ATCAY: variants seen among roughly 807,000 people sequenced by gnomAD.
ATCAY encodes caytaxin.
In ATCAY, 22 loss-of-function variants were observed where a neutral mutation model predicts 47.7. The observed-to-expected ratio is 0.46, with a 90% CI of 0.33 to 0.66. ATCAY has a LOEUF of 0.66. ATCAY is among the 30% of genes least tolerant of loss of function. The pLI is 0.02. For missense variants in ATCAY, 452 were observed against 515.0 expected, an observed-to-expected ratio of 0.88 and a Z score of 1.18; for synonymous variants, 216 against 207.6, an observed-to-expected ratio of 1.04 and a Z score of -0.35.
In ATCAY at chr19:3,911,315, G is replaced by A. The variant is rs548091688; in HGVS notation, c.866+426G>A. On this transcript the variant is annotated intron_variant, in intron 8 of 12. Transcript: ENST00000450849. ...CAGGAGATCAAGGCTGCAATGAGCC[G>A]TGATCGAGCCACTGTACTCCAGCCT... Among the ~76,000 whole-genome samples the A allele has an allele frequency of 2.0e-3, 305 of 152,064 alleles. 3 individuals carry two copies. Among genetic ancestry groups the A allele is most frequent in the African/African-American group, 6.8e-3 (281 of 41,494 alleles).
intron 9 of ATCAY, 35 bp from the exon 10 acceptor site, chr19:3,917,707 G>A: frequency 1.2e-6 from 2 of 1,613,076 alleles, no homozygotes; most frequent in African/African-American, 1.3e-5. Context: ...CAGGGGAAAG[G>A]AAGGTTGTGT....
chr19:3,895,716 CTTTTTTTT>C (rs537910730), intron 2 of ATCAY, among the ~76,000 whole-genome samples: 1 of 129,670 alleles, frequency 7.7e-6, no homozygotes, highest in African/African-American at 2.8e-5. Flanking sequence ...CTTTTCTTTT[CTTTTTTTT>C]TTTTTTTTTT....
intron 2 of ATCAY, among the ~76,000 whole-genome samples, chr19:3,895,355 C>T (rs868829202): frequency 6.6e-5 from 10 of 152,140 alleles, no homozygotes; most frequent in Non-Finnish European, 1.5e-4. Flanking sequence ...GCTGGGGTTA[C>T]AGGCATGCAC....
At chr19:3,913,112 AC>A (rs1203197773) in intron 8 of ATCAY, among the ~76,000 whole-genome samples, 3 of 151,994 alleles carry the variant, frequency 2.0e-5, no homozygotes, top group Non-Finnish European at 4.4e-5. Context: ...ACATGATGAA[AC>A]CCCATCTCCA....
At chr19:3,908,453 A>C in intron 6 of ATCAY, 83 bp downstream of exon 6, 1 of 1,292,226 alleles carries the variant, frequency 7.7e-7, no homozygotes, top group Non-Finnish European at 1.1e-6. Flanking sequence ...CAAGGATTGC[A>C]TTGTGGCCCT....
rs1264079834 is a variant in ATCAY, at chr19:3,891,592, G to C, written c.77+5748G>C. Among the ~76,000 whole-genome samples the C allele has an allele frequency of 2.0e-5, 3 of 151,902 alleles. No individual in the cohort carries two copies. The East Asian group carries it at 5.8e-4, about 29-fold the overall frequency. ...GATTCTTGGCTGTGAAGGGTGAGGA[G>C]GGATGAGCCGGGGAAGGAAGTGGGG... On this transcript the variant is annotated intron_variant, in intron 2 of 12. Coordinates refer to ENST00000450849, the MANE Select transcript of ATCAY (RefSeq NM_033064.5).
Position 3,907,985 on chromosome 19 carries a change from T to C in ATCAY, c.544+66T>C, listed in dbSNP as rs2038880117. ...GGCCCACTGGGCAACAGGGGGTTCG[T>C]CAGTGCCCCTCTCTGATGCACGGGG... On this transcript the variant is annotated intron_variant, in intron 5 of 12. Transcript: ENST00000450849. The surrounding 1 kb of genome is among the most constrained non-coding windows in gnomAD (Gnocchi z 5.1). 7.1e-6 allele frequency: 11 copies of C among 1,539,678 alleles called. No individual in the cohort carries two copies. Among genetic ancestry groups the C allele is most frequent in the Admixed American group, 1.9e-5 (1 of 52,018 alleles).
intron 1 of ATCAY, among the ~76,000 whole-genome samples, chr19:3,885,130 A>AAC (rs2038638320): frequency 6.7e-6 from 1 of 150,188 alleles, no homozygotes; most frequent in Non-Finnish European, 1.5e-5. Context: ...AAAAAAAAAA[A>AAC]AAAAACAGCC....
In ATCAY at chr19:3,925,690, A is replaced by G. The variant is rs1238074764; in HGVS notation, c.*1098A>G. 6.6e-6 allele frequency: 1 copy of G among 152,192 alleles called. No individual in the cohort carries two copies. The highest frequency in any genetic ancestry group is 2.4e-5 in the African/African-American group (1 of 41,444). 9.4% of individuals were successfully genotyped at this position (152,192 alleles called of 1,614,324 possible). A position where few individuals can be genotyped will look rare whatever the true frequency, so the allele number is the denominator to read the frequency against. ...GGTCAGATGGACTCTAGAAGCACTG[A>G]GCTCCCTGTCTCTGGAAGTATTTAA... On this transcript the variant is annotated 3_prime_UTR_variant, in exon 13 of 13. Coordinates refer to ENST00000450849, the MANE Select transcript of ATCAY (RefSeq NM_033064.5). The surrounding 1 kb of genome is among the most constrained non-coding windows in gnomAD (Gnocchi z 4.4).
At chr19:3,894,411 G>A (rs2038746500) in intron 2 of ATCAY, among the ~76,000 whole-genome samples, 1 of 150,572 alleles carries the variant, frequency 6.6e-6, no homozygotes, top group South Asian at 2.1e-4. Flanking sequence ...GTGAACCCGG[G>A]AGGCGGAGCT....
chr19:3,908,069 G>C (rs2038881029), intron 5 of ATCAY, 150 bp downstream of exon 5: 4 of 1,203,316 alleles, frequency 3.3e-6, no homozygotes, highest in Non-Finnish European at 4.7e-6. Flanking sequence ...TGCATGGTCA[G>C]GGAGGCGCAC....
At position 3,926,871 on chromosome 19, in the gene ATCAY, G is replaced by A. The variant is rs2039071541; in HGVS notation, c.*2279G>A. 6.6e-6 allele frequency: 1 copy of A among 152,194 alleles called. No homozygotes were observed. The highest frequency in any genetic ancestry group is 2.4e-5 in the African/African-American group (1 of 41,438). The allele number at this position is 152,194 out of a possible 1,614,324, so 9.4% of individuals were successfully genotyped here. On this transcript the variant is annotated 3_prime_UTR_variant, in exon 13 of 13. Transcript: ENST00000450849. The stretch of plus-strand genomic sequence containing the variant: ...TGTCAAATCCCGGGCACAGGGGCAA[G>A]ACCCTGTCCCGAATTCCCACCCCAG...
Position 3,908,594 on chromosome 19 carries a change from C to T in ATCAY, c.647+224C>T, listed in dbSNP as rs528363464. Among the ~76,000 whole-genome samples, 5 of 150,068 alleles carry T rather than the reference C, an allele frequency of 3.3e-5. No individual in the cohort carries two copies. In the East Asian group the frequency reaches 9.9e-4, roughly 30 times the overall value. ...TCTCCTCCCCGTCCTCCTCCTCCTC[C>T]TCTTCCTCCTCCTTCCCCTCCTCCT... On this transcript the variant is annotated intron_variant, in intron 6 of 12. Coordinates refer to ENST00000450849, the MANE Select transcript of ATCAY (RefSeq NM_033064.5).
intron 1 of ATCAY, among the ~76,000 whole-genome samples, chr19:3,881,874 C>CT (rs1555765212): frequency 6.8e-6 from 1 of 146,478 alleles, no homozygotes; most frequent in African/African-American, 2.6e-5. Flanking sequence ...CCGCCCCCCC[C>CT]CCGACCCCAT....
At chr19:3,890,997 G>A (rs2038713498) in intron 2 of ATCAY, among the ~76,000 whole-genome samples, 1 of 151,284 alleles carries the variant, frequency 6.6e-6, no homozygotes, top group Non-Finnish European at 1.5e-5. Flanking sequence ...AGTGGTCTTT[G>A]TACTGCCCTT....
At chr19:3,894,539 A>C (rs1183989574) in intron 2 of ATCAY, among the ~76,000 whole-genome samples, 2 of 148,554 alleles carry the variant, frequency 1.3e-5, no homozygotes, top group East Asian at 2.0e-4. Flanking sequence ...TGGTAGTCCC[A>C]GCTACTTGAG....
At chr19:3,911,006 T>C (rs939288371) in intron 8 of ATCAY, 117 bp downstream of exon 8, 2 of 1,129,060 alleles carry the variant, frequency 1.8e-6, no homozygotes, top group Non-Finnish European at 2.6e-6. Flanking sequence ...CATCTGTGTG[T>C]GTGTGCATCC....
At chr19:3,898,760 C>T (rs1460663749) in intron 2 of ATCAY, among the ~76,000 whole-genome samples, 7 of 152,166 alleles carry the variant, frequency 4.6e-5, no homozygotes, top group Non-Finnish European at 8.8e-5. Context: ...CAGCTCACTG[C>T]AACTTCCACC....
intron 9 of ATCAY, 25 bp from the exon 10 acceptor site, chr19:3,917,717 T>C (rs763043470): frequency 6.2e-7 from 1 of 1,613,230 alleles, no homozygotes; most frequent in Non-Finnish European, 8.5e-7. Flanking sequence ...GAAGGTTGTG[T>C]CTGACATCTT....
Sources: allele counts gnomAD v4.1 joint callset (sites outside exome capture counted in the v4.1 genomes callset), GRCh38; gene constraint gnomAD v4.1.1; non-coding constraint Gnocchi (gnomAD v3.1); transcripts MANE v1.5; gene names NCBI Gene and HGNC (gene_info 2026-07-23, HGNC 2026-07-21).